The following MAML3 variants were observed in gnomAD, a reference collection of about 807,000 sequenced individuals.
MAML3 encodes the protein mastermind like transcriptional coactivator 3.
A neutral mutation model predicts 101.9 loss-of-function variants in MAML3; 27 were observed. The observed-to-expected ratio is 0.27, with a 90% CI of 0.20 to 0.37. The LOEUF (loss-of-function observed/expected upper bound fraction) is 0.37. Among genes scored for constraint, MAML3 ranks in the 10% least tolerant of loss-of-function variants. The pLI, the probability that MAML3 is intolerant of heterozygous loss-of-function variation, is 1.00. For synonymous variants in MAML3, 501 were observed against 555.9 expected, an observed-to-expected ratio of 0.90 and a Z score of 1.39; for missense variants, 1,316 against 1,444.9, an observed-to-expected ratio of 0.91 and a Z score of 1.45.
intron 1 of MAML3, among the ~76,000 whole-genome samples, chr4:140,041,123 GT>G (rs915803474): frequency 6.6e-6 from 1 of 152,084 alleles, no homozygotes; most frequent in Non-Finnish European, 1.5e-5. Context: ...GTTATTTGAT[GT>G]CCAATAATAT....
intron 2 of MAML3, among the ~76,000 whole-genome samples, chr4:139,770,604 G>A (rs919252903): frequency 4.6e-5 from 7 of 152,178 alleles, no homozygotes; most frequent in African/African-American, 9.7e-5. Context: ...CGCTCAGTTG[G>A]AAAGTTGCTC....
intron 2 of MAML3, among the ~76,000 whole-genome samples, chr4:139,763,589 C>T (rs1729798453): frequency 7.1e-6 from 1 of 140,336 alleles, no homozygotes; most frequent in Non-Finnish European, 1.6e-5. Context: ...ATTAATCTAA[C>T]TAAAAAATCC....
At chr4:139,765,080 T>C (rs998094502) in intron 2 of MAML3, among the ~76,000 whole-genome samples, 5 of 152,210 alleles carry the variant, frequency 3.3e-5, no homozygotes, top group African/African-American at 9.6e-5. Context: ...GAGAGATGCC[T>C]ACCTTATCTT....
At chr4:139,801,646 G>C (rs1273024925) in intron 2 of MAML3, among the ~76,000 whole-genome samples, 3 of 10,242 alleles carry the variant, frequency 2.9e-4, no homozygotes, top group East Asian at 4.3e-3. Flanking sequence ...GTGTGTGGGT[G>C]TGTGTGTGTG....
rs1186871466 is a variant in MAML3 at position 140,095,276 on chromosome 4, C to A, written c.468+57584G>T. ...TCTCCCCAACTTTCACAGAGCAAAT[C>A]AGTAGGCCCACCACTGTCCATGTTG... is the stretch of plus-strand genomic sequence containing the variant. On this transcript the variant is annotated intron_variant, in intron 1 of 4. Coordinates refer to ENST00000509479, the MANE Select transcript of MAML3 (RefSeq NM_018717.5). Among the ~76,000 whole-genome samples, 4 of 152,206 alleles carry A rather than the reference C, an allele frequency of 2.6e-5. No individual in the cohort carries two copies. The South Asian group carries it at 8.3e-4, about 32-fold the overall frequency.
chr4:139,928,896 T>A (rs1163758502), intron 1 of MAML3, among the ~76,000 whole-genome samples: 1 of 152,058 alleles, frequency 6.6e-6, no homozygotes, highest in East Asian at 1.9e-4. Context: ...AGATAAATAT[T>A]TGGAAGCTAC....
At chr4:139,852,667 A>C (rs1731581285) in intron 2 of MAML3, among the ~76,000 whole-genome samples, 1 of 151,998 alleles carries the variant, frequency 6.6e-6, no homozygotes, top group South Asian at 2.1e-4. Flanking sequence ...CGCCCACCTC[A>C]GCCTCCCAAA....
intron 2 of MAML3, among the ~76,000 whole-genome samples, chr4:139,754,805 T>C (rs1198657367): frequency 6.6e-6 from 1 of 152,240 alleles, no homozygotes; most frequent in Non-Finnish European, 1.5e-5. Flanking sequence ...CATGATTCTT[T>C]CCTAATAAAG....
chr4:140,023,116 A>C (rs1014679846), intron 1 of MAML3, among the ~76,000 whole-genome samples: 1 of 152,198 alleles, frequency 6.6e-6, no homozygotes, highest in Non-Finnish European at 1.5e-5. Context: ...CCTTTTGACC[A>C]TATAATCCTT....
intron 2 of MAML3, among the ~76,000 whole-genome samples, chr4:139,731,808 G>A (rs1036655352): frequency 1.3e-5 from 2 of 152,190 alleles, no homozygotes; most frequent in Admixed American, 6.5e-5. Context: ...TGGAGAATGT[G>A]CTCAAAGGCG....
At chr4:140,069,692 G>GAAAAAGAAAGA (rs1329346524) in intron 1 of MAML3, among the ~76,000 whole-genome samples, 10 of 85,764 alleles carry the variant, frequency 1.2e-4, no homozygotes, top group Non-Finnish European at 2.8e-4. Flanking sequence ...AAGAAAGAAA[G>GAAAAAGAAAGA]AAGAAGAAGA....
intron 1 of MAML3, among the ~76,000 whole-genome samples, chr4:139,923,951 TA>T (rs988722393): frequency 1.3e-5 from 2 of 152,208 alleles, no homozygotes; most frequent in African/African-American, 4.8e-5. Context: ...TACCTTGCTA[TA>T]TCTCCAGACT....
intron 1 of MAML3, among the ~76,000 whole-genome samples, chr4:139,949,660 C>T (rs1339881516): frequency 6.6e-6 from 1 of 152,164 alleles, no homozygotes; most frequent in Non-Finnish European, 1.5e-5. Context: ...GATATGAAAC[C>T]TAAAAATATC....
chr4:139,902,589 C>T (rs918809652), intron 1 of MAML3, among the ~76,000 whole-genome samples: 8 of 152,194 alleles, frequency 5.3e-5, no homozygotes, highest in African/African-American at 1.9e-4. Flanking sequence ...ACATGGAAGT[C>T]ATTTGAGCCG....
intron 2 of MAML3, among the ~76,000 whole-genome samples, chr4:139,864,041 C>T (rs1731843854): frequency 6.6e-6 from 1 of 152,150 alleles, no homozygotes; most frequent in Admixed American, 6.6e-5. Context: ...AAGAAACTTA[C>T]AGAAGCTTGT....
intron 1 of MAML3, among the ~76,000 whole-genome samples, chr4:139,951,772 T>G (rs1252435889): frequency 6.6e-6 from 1 of 151,134 alleles, no homozygotes; most frequent in Non-Finnish European, 1.5e-5. Context: ...GAAAGTTTGG[T>G]AAGCAAAAAA....
rs376108829 is a variant in MAML3, at chr4:139,889,430, C to A, written c.2006G>T (p.Arg669Leu). 14 of 1,614,012 alleles carry A rather than the reference C, an allele frequency of 8.7e-6. No individual in the cohort carries two copies. In the Admixed American group the frequency reaches 2.2e-4, roughly 25 times the overall value. Residue 669 changes from arginine (R) to leucine (L), a missense_variant, in exon 2 of 5, where the codon CGC (arginine) becomes CTC (leucine). By Grantham distance (102) the Arg-to-Leu change is moderately radical. Coordinates refer to ENST00000509479, the MANE Select transcript of MAML3 (RefSeq NM_018717.5). ...TCCTTTCTGCTTCATGAGAAGCAGG[C>A]GTTTCTGGTCTTCGCTCAGGTGTGC... ...PRAHLSEDQK[R>L]LLLMKQKGVM... is the part of the protein sequence containing the mutation.
chr4:139,828,303 C>G (rs754296417), intron 2 of MAML3, among the ~76,000 whole-genome samples: 3 of 152,192 alleles, frequency 2.0e-5, no homozygotes, highest in Non-Finnish European at 4.4e-5. Flanking sequence ...AAGCATAAAA[C>G]AAAGCAAAAC....
chr4:139,864,548 T>C (rs6825802), intron 2 of MAML3, among the ~76,000 whole-genome samples: 83,094 of 151,456 alleles, frequency 0.55, 25,657 homozygotes, highest in African/African-American at 0.83. Flanking sequence ...TGGTGGTGTG[T>C]ACCTGTAATT....
Sources: gnomAD v4.1 joint callset for allele counts (sites outside exome capture counted in the v4.1 genomes callset) on GRCh38, gnomAD v4.1.1 for gene constraint, MANE v1.5 for transcripts, NCBI Gene and HGNC (gene_info 2026-07-23, HGNC 2026-07-21) for gene names.